Variants in XRCC4 observed in about 807,000 individuals in gnomAD.
The protein encoded by XRCC4 is DNA repair protein XRCC4.
A neutral mutation model predicts 39.1 loss-of-function variants in XRCC4; 28 were observed. The ratio of observed to expected loss-of-function variants is 0.72; its 90% CI spans 0.53 to 0.98. XRCC4 has a LOEUF of 0.98. XRCC4 is among the 50% of genes least tolerant of loss of function. The pLI is 0.00. For synonymous variants in XRCC4, 123 were observed against 126.4 expected (o/e 0.97, Z 0.18); for missense variants, 350 against 376.4 (o/e 0.93, Z 0.58).
chr5:83,090,910 GTTTATA>G (rs1745398568), intron 1 of XRCC4, among the ~76,000 whole-genome samples: 1 of 152,044 alleles, frequency 6.6e-6, no homozygotes, highest in African/African-American at 2.4e-5. Context: ...TGTTATGGTT[GTTTATA>G]TTTATGGGGT....
chr5:83,366,302 C>G, the XRCC4 span, among the ~76,000 whole-genome samples: 1 of 152,254 alleles, frequency 6.6e-6, no homozygotes, highest in East Asian at 1.9e-4. Context: ...TTGTAGATCC[C>G]CTACGCTGTG....
intron 3 of XRCC4, among the ~76,000 whole-genome samples, chr5:83,126,241 AT>A (rs894591346): frequency 6.6e-6 from 1 of 152,130 alleles, no homozygotes; most frequent in Admixed American, 6.6e-5. Flanking sequence ...TGTTAGATTT[AT>A]GCCTAAGTAT....
chr5:83,263,409 G>A (rs1753834694), intron 7 of XRCC4, among the ~76,000 whole-genome samples: 1 of 151,592 alleles, frequency 6.6e-6, no homozygotes, highest in Admixed American at 6.6e-5. Flanking sequence ...AGATCCCTGA[G>A]GAATCTCCAC....
chr5:83,229,353 C>G (rs1306206709), intron 6 of XRCC4, among the ~76,000 whole-genome samples: 2 of 151,910 alleles, frequency 1.3e-5, no homozygotes, highest in Non-Finnish European at 2.9e-5. Context: ...TCAGCCTGAA[C>G]TCTTTCTTTA....
intron 6 of XRCC4, among the ~76,000 whole-genome samples, chr5:83,233,987 T>C (rs1218781332): frequency 6.6e-6 from 1 of 151,608 alleles, no homozygotes; most frequent in Non-Finnish European, 1.5e-5. Flanking sequence ...ACTATGGAGA[T>C]CTAGGGTTTA....
At chr5:83,279,067 A>T (rs1297833925) in intron 7 of XRCC4, among the ~76,000 whole-genome samples, 1 of 146,090 alleles carries the variant, frequency 6.8e-6, no homozygotes, top group Non-Finnish European at 1.5e-5. Context: ...TAATATATAT[A>T]ATAAAATATA....
At chr5:83,179,758 C>T (rs1015054245) in intron 3 of XRCC4, among the ~76,000 whole-genome samples, 4 of 152,068 alleles carry the variant, frequency 2.6e-5, no homozygotes, top group Admixed American at 6.6e-5. Context: ...TCAGCTCTGG[C>T]CAGGGGACTC....
chr5:83,116,046 C>T (rs1362422225), intron 3 of XRCC4, among the ~76,000 whole-genome samples: 1 of 152,124 alleles, frequency 6.6e-6, no homozygotes, highest in Non-Finnish European at 1.5e-5. Flanking sequence ...CTTCTGCAGA[C>T]TGATTTCAGA....
At chr5:83,088,656 T>G (rs1167103799) in intron 1 of XRCC4, among the ~76,000 whole-genome samples, 2 of 152,196 alleles carry the variant, frequency 1.3e-5, no homozygotes, top group Non-Finnish European at 2.9e-5. Flanking sequence ...TTTGGGGAAG[T>G]GTTTGATTAA....
rs140918547 is a variant in XRCC4, at chr5:83,109,198, A to G, written c.140-1830A>G. ...GTGTGTTCCATTTTAGGGATTCTTT[A>G]ATCATGATTTCCTTATATTCTGTAA... is the stretch of plus-strand genomic sequence containing the variant. On this transcript the variant is annotated intron_variant, in intron 2 of 7. Transcript: ENST00000396027. Among the ~76,000 whole-genome samples the G allele has an allele frequency of 7.2e-3, 1,095 of 151,992 alleles. 4 individuals carry two copies. Among genetic ancestry groups the G allele is most frequent in the Non-Finnish European group, 9.9e-3 (671 of 67,790 alleles).
intron 3 of XRCC4, among the ~76,000 whole-genome samples, chr5:83,171,302 A>G (rs1433917930): frequency 6.6e-6 from 1 of 152,128 alleles, no homozygotes; most frequent in African/African-American, 2.4e-5. Flanking sequence ...CCACCAGAGG[A>G]GCATTTCTAA....
intron 3 of XRCC4, among the ~76,000 whole-genome samples, chr5:83,124,673 C>G (rs28745320): frequency 3.0e-4 from 46 of 152,126 alleles, no homozygotes; most frequent in African/African-American, 1.1e-3. Flanking sequence ...ATTGGCTGCC[C>G]ATTTTGGGAA....
intron 2 of XRCC4, among the ~76,000 whole-genome samples, chr5:83,109,295 C>T (rs1460453170): frequency 6.6e-6 from 1 of 151,860 alleles, no homozygotes; most frequent in Admixed American, 6.6e-5. Flanking sequence ...GTCTCTGCTT[C>T]ACCTCAAAAT....
intron 6 of XRCC4, among the ~76,000 whole-genome samples, chr5:83,229,542 G>C (rs888534195): frequency 6.6e-6 from 1 of 150,854 alleles, no homozygotes; most frequent in Non-Finnish European, 1.5e-5. Flanking sequence ...TATTTTGGGG[G>C]GAAAAAAAGG....
At chr5:83,351,936 G>A (rs935242087) in intron 7 of XRCC4, among the ~76,000 whole-genome samples, 4 of 152,152 alleles carry the variant, frequency 2.6e-5, no homozygotes, top group Admixed American at 1.3e-4. Context: ...TGCTGTTAAC[G>A]AAACTCTTAC....
intron 3 of XRCC4, among the ~76,000 whole-genome samples, chr5:83,166,500 G>A (rs1305545017): frequency 6.8e-6 from 1 of 148,000 alleles, no homozygotes; most frequent in Non-Finnish European, 1.5e-5. Flanking sequence ...GTCTTGCTCT[G>A]TTGCCCAGGC....
chr5:83,354,882 C>A (rs1270898309), downstream of XRCC4, among the ~76,000 whole-genome samples: 1 of 152,136 alleles, frequency 6.6e-6, no homozygotes, highest in Admixed American at 6.6e-5. Context: ...CCTCACTGGT[C>A]TCCCTGCTTA....
At chr5:83,328,694 C>G (rs1756343283) in intron 7 of XRCC4, among the ~76,000 whole-genome samples, 1 of 151,952 alleles carries the variant, frequency 6.6e-6, no homozygotes, top group African/African-American at 2.4e-5. Flanking sequence ...ATAACCAAAG[C>G]AATTCTGAAG....
At chr5:83,167,739 A>G (rs1561376745) in intron 3 of XRCC4, among the ~76,000 whole-genome samples, 1 of 152,194 alleles carries the variant, frequency 6.6e-6, no homozygotes, top group Non-Finnish European at 1.5e-5. Context: ...AACTCCTGAT[A>G]CTCTTGCAAA....
Sources: allele counts gnomAD v4.1 joint callset (sites outside exome capture counted in the v4.1 genomes callset), GRCh38; gene constraint gnomAD v4.1.1; transcripts MANE v1.5; gene names NCBI Gene and HGNC (gene_info 2026-07-23, HGNC 2026-07-21).